Variants in ESRRB observed in about 807,000 individuals in gnomAD.
ESRRB encodes estrogen related receptor beta, also known as steroid hormone receptor ERR2.
A neutral mutation model predicts 46.0 loss-of-function variants in ESRRB; 16 were observed. The observed-to-expected ratio is 0.35, with a 90% CI of 0.24 to 0.53. The LOEUF (loss-of-function observed/expected upper bound fraction) is 0.53, where lower values mean the gene tolerates loss of function less well. ESRRB is among the 20% of genes least tolerant of loss of function. The pLI is 0.93. For missense variants in ESRRB, 488 were observed against 607.4 expected, an observed-to-expected ratio of 0.80 and a Z score of 2.07; for synonymous variants, 246 against 259.6, an observed-to-expected ratio of 0.95 and a Z score of 0.50.
intron 2 of ESRRB, among the ~76,000 whole-genome samples, chr14:76,446,379 T>G (rs57073476): frequency 4.8e-4 from 71 of 148,912 alleles, no homozygotes; most frequent in East Asian, 4.5e-3. Flanking sequence ...GTTTTTTTTT[T>G]TTGTTTTGTT....
intron 1 of ESRRB, among the ~76,000 whole-genome samples, chr14:76,313,269 G>A (rs1361809079): frequency 6.6e-6 from 1 of 151,918 alleles, no homozygotes; most frequent in Non-Finnish European, 1.5e-5. Context: ...CTTAGTTTCT[G>A]CTTCAATAAC....
At chr14:76,381,985 A>G (rs778526759) in intron 1 of ESRRB, among the ~76,000 whole-genome samples, 1 of 152,164 alleles carries the variant, frequency 6.6e-6, no homozygotes, top group South Asian at 2.1e-4. Flanking sequence ...GATCAGGATT[A>G]ATATCATCAA....
chr14:76,468,423 G>A (rs930999904), intron 3 of ESRRB, among the ~76,000 whole-genome samples: 1 of 82,748 alleles, frequency 1.2e-5, no homozygotes, highest in Non-Finnish European at 2.2e-5. Context: ...CCCCAAACAC[G>A]CACACACACA....
intron 1 of ESRRB, among the ~76,000 whole-genome samples, chr14:76,314,288 A>C (rs1382831151): frequency 6.6e-6 from 1 of 152,156 alleles, no homozygotes; most frequent in Non-Finnish European, 1.5e-5. Context: ...AAGTCAGCTG[A>C]TTTGCTCAGA....
In ESRRB at chr14:76,499,412, C is replaced by T; in HGVS notation, c.*954C>T. On this transcript the variant is annotated 3_prime_UTR_variant, in exon 7 of 7. Transcript: ENST00000644823. Reference sequence around the variant, plus strand: ...GAGCACCCCGGGGGGAGGATCAGGACAGGATGGACAGAGGCCCAGACTCAT... The same window carrying T: ...GAGCACCCCGGGGGGAGGATCAGGATAGGATGGACAGAGGCCCAGACTCAT... 3.3e-6 allele frequency: 1 copy of T among 304,310 alleles called. No homozygotes were observed. Among genetic ancestry groups the T allele is most frequent in the Non-Finnish European group, 6.4e-6 (1 of 156,148 alleles). The allele number at this position is 304,310 out of a possible 1,614,324, so 18.9% of individuals were successfully genotyped here.
intron 1 of ESRRB, among the ~76,000 whole-genome samples, chr14:76,315,308 C>A (rs1883786498): frequency 1.3e-5 from 2 of 151,866 alleles, no homozygotes; most frequent in African/African-American, 4.8e-5. Flanking sequence ...AGGCCAGGAG[C>A]TCCACCGAGG....
rs377711541 is a variant in ESRRB at position 76,352,976 on chromosome 14, C to A, written c.2+42060C>A. On this transcript the variant is annotated intron_variant, in intron 1 of 6. Coordinates refer to the ESRRB transcript ENST00000512784. ...CTGGTGGCACACGGCCCCGAATCGC[C>A]GCGCTCCTGCGGGCCGCGCGCAGGG... 1.1e-4 allele frequency among the ~76,000 whole-genome samples: 17 copies of A among 152,344 alleles called. No homozygotes were observed. In the South Asian group the frequency reaches 3.5e-3, roughly 32 times the overall value.
intron 6 of ESRRB, among the ~76,000 whole-genome samples, chr14:76,494,210 G>T (rs1890334450): frequency 6.6e-6 from 1 of 151,812 alleles, no homozygotes; most frequent in Non-Finnish European, 1.5e-5. Context: ...CGTCCACAGA[G>T]AATATTTACA....
At position 76,445,533 on chromosome 14, in the gene ESRRB, G is replaced by A. The variant is rs1299051053; in HGVS notation, c.460+5783G>A. On this transcript the variant is annotated intron_variant, in intron 2 of 6. Coordinates refer to ENST00000644823, the MANE Select transcript of ESRRB (RefSeq NM_001379180.1). ...AAAAGCTCTGAAAATCATGTTAATC[G>A]TGTTACCTCACACCCTGCCTCTTCC... Among the ~76,000 whole-genome samples the A allele has an allele frequency of 9.9e-5, 15 of 151,156 alleles. 1 individual carries two copies. In the East Asian group the frequency reaches 1.4e-3, roughly 14 times the overall value.
chr14:76,390,358 G>A (rs1885417559), intron 1 of ESRRB, among the ~76,000 whole-genome samples: 1 of 152,022 alleles, frequency 6.6e-6, no homozygotes, highest in South Asian at 2.1e-4. Context: ...GCGTGGTGGT[G>A]GGCACCTGTA....
chr14:76,418,053 TCAA>T (rs1036106481), intron 1 of ESRRB, among the ~76,000 whole-genome samples: 2 of 150,874 alleles, frequency 1.3e-5, no homozygotes, highest in Non-Finnish European at 2.9e-5. Context: ...CCTCCCAGGT[TCAA>T]GTGATTCTCC....
chr14:76,490,042 T>G (rs1294155124), intron 5 of ESRRB, among the ~76,000 whole-genome samples: 1 of 152,230 alleles, frequency 6.6e-6, no homozygotes, highest in Non-Finnish European at 1.5e-5. Context: ...CATCAGAAAG[T>G]GGCTTCCAGC....
At chr14:76,479,055 T>G (rs1001850072) in intron 3 of ESRRB, among the ~76,000 whole-genome samples, 3 of 152,170 alleles carry the variant, frequency 2.0e-5, no homozygotes, top group African/African-American at 2.4e-5. Flanking sequence ...CAAACTCTGT[T>G]GTCCGTGCAA....
upstream of ESRRB, among the ~76,000 whole-genome samples, chr14:76,374,784 G>A (rs551049578): frequency 6.6e-6 from 1 of 152,268 alleles, no homozygotes; most frequent in African/African-American, 2.4e-5. Flanking sequence ...CTCTCTGTGA[G>A]ATGCCTTCCT....
chr14:76,408,239 A>G (rs1886274895), intron 1 of ESRRB, among the ~76,000 whole-genome samples: 1 of 152,148 alleles, frequency 6.6e-6, no homozygotes, highest in Non-Finnish European at 1.5e-5. Flanking sequence ...CGAAGACACA[A>G]AGAAGGAAAG....
At chr14:76,429,579 C>T (rs1474181575) in intron 1 of ESRRB, among the ~76,000 whole-genome samples, 2 of 151,896 alleles carry the variant, frequency 1.3e-5, no homozygotes, top group African/African-American at 2.4e-5. Context: ...GGAGAAACCC[C>T]GTCTCTACTA....
In ESRRB at chr14:76,338,122, T is replaced by C. The variant is rs551169187; in HGVS notation, c.2+27206T>C. Reference sequence around the variant, plus strand: ...CTTCAAGGCGACTCCCAGGGGGCCCTACTCTCCGAATGAAACAATTTCATC... The same window carrying C: ...CTTCAAGGCGACTCCCAGGGGGCCCCACTCTCCGAATGAAACAATTTCATC... On this transcript the variant is annotated intron_variant, in intron 1 of 6. Coordinates refer to the ESRRB transcript ENST00000512784. 3.9e-5 allele frequency among the ~76,000 whole-genome samples: 6 copies of C among 152,356 alleles called. No homozygotes were observed. In the East Asian group the frequency reaches 1.2e-3, roughly 29 times the overall value.
intron 1 of ESRRB, among the ~76,000 whole-genome samples, chr14:76,422,770 C>T (rs536555222): frequency 2.6e-4 from 39 of 152,300 alleles, no homozygotes; most frequent in African/African-American, 8.7e-4. Flanking sequence ...GGTCAGGCAA[C>T]AGTTGCACAG....
chr14:76,334,456 G>A (rs74067824), intron 1 of ESRRB, among the ~76,000 whole-genome samples: 7,926 of 152,246 alleles, frequency 0.052, 234 homozygotes, highest in East Asian at 0.14. Context: ...GCAGCCTCGC[G>A]CTCACAGCCG....
Sources: allele counts gnomAD v4.1 joint callset (sites outside exome capture counted in the v4.1 genomes callset), GRCh38; gene constraint gnomAD v4.1.1; transcripts MANE v1.5; gene names NCBI Gene and HGNC (gene_info 2026-07-23, HGNC 2026-07-21).